The following POLR1A variants were observed in gnomAD, a reference collection of about 807,000 sequenced individuals.
POLR1A encodes the protein DNA-directed RNA polymerase I subunit RPA1.
In POLR1A, 84 loss-of-function variants were observed where a neutral mutation model predicts 205.3. That is an observed-to-expected ratio of 0.41 (90% CI 0.34 to 0.49). The LOEUF is 0.49. POLR1A is among the 20% of genes least tolerant of loss of function. The pLI, the probability that POLR1A is intolerant of heterozygous loss-of-function variation, is 0.22. For missense variants in POLR1A, 1,645 were observed against 2,204.5 expected (o/e 0.75, Z 5.08); for synonymous variants, 799 against 863.7 (o/e 0.93, Z 1.31).
intron 30 of POLR1A, among the ~76,000 whole-genome samples, 187 bp downstream of exon 30, chr2:86,031,143 T>C (rs1435589353): frequency 1.3e-5 from 2 of 152,028 alleles, no homozygotes; most frequent in African/African-American, 4.8e-5. Flanking sequence ...GGATCTGGGA[T>C]TAAAAAGAAC....
At chr2:86,097,439 C>T (rs72934578) in intron 3 of POLR1A, among the ~76,000 whole-genome samples, 2,800 of 152,170 alleles carry the variant, frequency 0.018, 79 homozygotes, top group African/African-American at 0.063. Flanking sequence ...GATACCTGCA[C>T]CCCCATGGTT....
Position 86,040,666 on chromosome 2 carries a change from C to T in POLR1A, c.3573-107G>A, listed in dbSNP as rs1268905315. ...AACCAGAAAACTGAAACCTCTACCT[C>T]TTTCTGGACTCGTTTTTCCTAGGCA... On this transcript the variant is annotated intron_variant, in intron 24 of 33. Transcript: ENST00000263857. 3.5e-6 allele frequency: 3 copies of T among 858,896 alleles called. No individual in the cohort carries two copies. In the African/African-American group the frequency reaches 5.1e-5, roughly 14 times the overall value. The allele number at this position is 858,896 out of a possible 1,614,324, so 53.2% of individuals were successfully genotyped here.
At chr2:86,076,752 G>T (rs759227696) in intron 11 of POLR1A, among the ~76,000 whole-genome samples, 1 of 152,162 alleles carries the variant, frequency 6.6e-6, no homozygotes, top group Non-Finnish European at 1.5e-5. Flanking sequence ...AGCACAAAAG[G>T]TCTCTCACAG....
chr2:86,043,077 C>T lies in POLR1A; in HGVS notation c.3254G>A (p.Arg1085Lys), dbSNP rs779286885. The change falls in exon 23 of 34, where the codon AGA becomes AAA. Residue 1085 changes from arginine to lysine, a missense_variant. Arg to Lys is a conservative substitution (Grantham distance 26, BLOSUM62 2). Around this residue, in one of 16 missense-constraint regions of POLR1A, gnomAD observed 201 missense variants for 222.3 expected, o/e 0.90. Coordinates refer to ENST00000263857, the MANE Select transcript of POLR1A (RefSeq NM_015425.6). ...GGAATAACTCAAGAAGGCGCCTCTT[C>T]TCAGCAGGGTGTTGGGGTGCTTGCT... ...WQSKHPNTLLRRGAFLSYSQK... is the reference protein window; with the variant it reads ...WQSKHPNTLLKRGAFLSYSQK... The T allele has an allele frequency of 3.7e-6, 6 of 1,614,194 alleles. No individual in the cohort carries two copies. Among genetic ancestry groups the T allele is most frequent in the Non-Finnish European group, 5.1e-6 (6 of 1,180,028 alleles).
At chr2:86,073,325 T>A (rs973691594) in intron 12 of POLR1A, among the ~76,000 whole-genome samples, 5 of 152,180 alleles carry the variant, frequency 3.3e-5, no homozygotes, top group Non-Finnish European at 7.3e-5. Context: ...TATTTGTTTG[T>A]GTACTACCTG....
rs184482283 is a variant in POLR1A at position 86,091,900 on chromosome 2, G to A, written c.433-1971C>T. On this transcript the variant is annotated intron_variant, in intron 3 of 33. Transcript: ENST00000263857. ...AGGCCAAGGCAGGCAGATCACCTGA[G>A]GTCAGGAGTCCAAGACCAGCCTGGC... Among the ~76,000 whole-genome samples the A allele has an allele frequency of 4.3e-4, 65 of 152,228 alleles. No homozygotes were observed. The East Asian group carries it at 0.011, about 25-fold the overall frequency.
rs751718955 is a variant in POLR1A at position 86,047,173 on chromosome 2, T to C, written c.2725A>G (p.Thr909Ala). The change falls in exon 19 of 34, where the codon ACG becomes GCG. Residue 909 changes from threonine to alanine, a missense_variant. By Grantham distance (58) the Thr-to-Ala change is moderately conservative (BLOSUM62 0). This residue lies in a region of POLR1A where 339 missense variants were observed against 415.1 expected (regional missense o/e 0.82). Transcript: ENST00000263857. ...QSGAKGSTVN[T>A]MQISCLLGQI... Reference sequence around the variant, plus strand: ...CCCGCCTCTGCACATACCTGCATCGTGTTCACAGTTGAACCTTTGGCTCCC... The same window carrying C: ...CCCGCCTCTGCACATACCTGCATCGCGTTCACAGTTGAACCTTTGGCTCCC... 3.1e-6 allele frequency: 5 copies of C among 1,613,434 alleles called. No individual in the cohort carries two copies. The South Asian group carries it at 5.5e-5, about 18-fold the overall frequency.
chr2:86,092,071 G>A (rs1273640175), intron 3 of POLR1A, among the ~76,000 whole-genome samples: 1 of 152,128 alleles, frequency 6.6e-6, no homozygotes, highest in Non-Finnish European at 1.5e-5. Flanking sequence ...AGCCAAGACT[G>A]TGCCACTGCA....
chr2:86,082,368 A>C (rs1673419563), intron 7 of POLR1A, among the ~76,000 whole-genome samples: 1 of 152,060 alleles, frequency 6.6e-6, no homozygotes, highest in African/African-American at 2.4e-5. Context: ...ATGTTGAATA[A>C]AAAAATTTTT....
intron 14 of POLR1A, among the ~76,000 whole-genome samples, chr2:86,063,874 T>A (rs1673042993): frequency 6.6e-6 from 1 of 152,252 alleles, no homozygotes; most frequent in Non-Finnish European, 1.5e-5. Flanking sequence ...TTCAGTGGCA[T>A]CCCACAAATT....
At position 86,075,052 on chromosome 2, in the gene POLR1A, G is replaced by A. The variant is rs1458681165; in HGVS notation, c.1589C>T (p.Pro530Leu). 6.2e-7 allele frequency: 1 copy of A among 1,610,362 alleles called. No homozygotes were observed. ...CACAATTTTTGTCCCCTGGGGCTTA[G>A]GTGCCCCCGTGGCTGGGGTCAGAAG... The part of the protein sequence containing the change: ...KQLLTPATGA[P>L]KPQGTKIVCR... Residue 530 changes from proline to leucine, a missense_variant, in exon 12 of 34, where the codon CCT becomes CTT. Physicochemically the swap from Pro to Leu is moderately conservative, Grantham distance 98. Transcript: ENST00000263857.
At chr2:86,099,673 A>G (rs1673777883) in intron 2 of POLR1A, among the ~76,000 whole-genome samples, 2 of 152,178 alleles carry the variant, frequency 1.3e-5, no homozygotes, top group African/African-American at 4.8e-5. Flanking sequence ...AAGAGCACAA[A>G]GCCCCTGCAA....
chr2:86,053,144 AT>A, intron 15 of POLR1A, 144 bp from the exon 16 acceptor site: 1 of 431,954 alleles, frequency 2.3e-6, no homozygotes, highest in Non-Finnish European at 4.1e-6. Flanking sequence ...AAAGTAGGGC[AT>A]ATGTGAAACT....
At chr2:86,092,386 T>G (rs1402132240) in intron 3 of POLR1A, among the ~76,000 whole-genome samples, 1 of 152,234 alleles carries the variant, frequency 6.6e-6, no homozygotes, top group African/African-American at 2.4e-5. Context: ...TGTGATCTCG[T>G]TCCTTTGCGT....
At chr2:86,096,622 T>A (rs892871807) in intron 3 of POLR1A, among the ~76,000 whole-genome samples, 1 of 152,150 alleles carries the variant, frequency 6.6e-6, no homozygotes, top group African/African-American at 2.4e-5. Context: ...TTAATCTGCA[T>A]ATCTACAGCC....
rs867868121 is a variant in POLR1A at position 86,039,548 on chromosome 2, C to A, written c.3741-86G>T. 1.3e-4 allele frequency: 200 copies of A among 1,501,680 alleles called. 3 individuals carry two copies. The South Asian group carries it at 2.2e-3, about 16-fold the overall frequency. The allele number at this position is 1,501,680 out of a possible 1,614,324, so 93.0% of individuals were successfully genotyped here. A position where few individuals can be genotyped will look rare whatever the true frequency, so the allele number is the denominator to read the frequency against. On this transcript the variant is annotated intron_variant, in intron 25 of 33. Coordinates refer to ENST00000263857, the MANE Select transcript of POLR1A (RefSeq NM_015425.6). ...AGCTTCTCCTAATGATGTCAGAGTTCTTTTGGAATCTGAGAGAGGCCTGGG... is the reference window on the plus strand; with the variant it reads ...AGCTTCTCCTAATGATGTCAGAGTTATTTTGGAATCTGAGAGAGGCCTGGG...
chr2:86,105,581 A>G (rs1377381236), intron 1 of POLR1A, 119 bp downstream of exon 1: 16 of 662,796 alleles, frequency 2.4e-5, no homozygotes, highest in Non-Finnish European at 4.0e-5. Context: ...CCAGCAGGAC[A>G]AGCGCCAGAC....
intron 18 of POLR1A, among the ~76,000 whole-genome samples, chr2:86,047,806 G>C (rs531323428): frequency 3.9e-4 from 59 of 152,310 alleles, no homozygotes; most frequent in African/African-American, 1.4e-3. Context: ...TGCTGAGAAG[G>C]GGGCTCTGAG....
Position 86,089,807 on chromosome 2 carries a change from A to G in POLR1A, c.540+15T>C, listed in dbSNP as rs761158932. 2.1e-6 allele frequency: 3 copies of G among 1,429,768 alleles called. No individual in the cohort carries two copies. The highest frequency in any genetic ancestry group is 2.0e-6 in the Non-Finnish European group (2 of 1,011,702). The allele number at this position is 1,429,768 out of a possible 1,614,324, so 88.6% of individuals were successfully genotyped here. On this transcript the variant is annotated intron_variant, in intron 4 of 33. Transcript: ENST00000263857. ...ATGCCCAAAACAGCATGGGAGAAAG[A>G]CAGTGTTAACTCACATGTGCGCCCT...
Sources: gnomAD v4.1 joint callset for allele counts (sites outside exome capture counted in the v4.1 genomes callset) on GRCh38, gnomAD v4.1.1 for gene constraint, gnomAD v4.1.1 regional missense constraint, MANE v1.5 for transcripts, NCBI Gene and HGNC (gene_info 2026-07-23, HGNC 2026-07-21) for gene names.